Variants in PCDH9 observed in about 807,000 individuals in gnomAD.
PCDH9 encodes protocadherin-9.
PCDH9 carries 24 observed loss-of-function variants against 70.6 expected under a neutral mutation model. That is an observed-to-expected ratio of 0.34 (90% confidence interval 0.25 to 0.48). The LOEUF (loss-of-function observed/expected upper bound fraction) is 0.48, where lower values mean the gene tolerates loss of function less well. PCDH9 is among the 20% of genes least tolerant of loss of function. The pLI is 0.99. For missense variants in PCDH9, 1,281 were observed against 1,503.6 expected (o/e 0.85, Z 2.45); for synonymous variants, 562 against 558.5 (o/e 1.01, Z -0.09).
rs573866402 is a variant in PCDH9, at chr13:66,630,968, T to C, written c.3340+242A>G. Among the ~76,000 whole-genome samples the C allele has an allele frequency of 2.0e-5, 3 of 152,342 alleles. No individual in the cohort carries two copies. In the South Asian group the frequency reaches 6.2e-4, roughly 32 times the overall value. On this transcript the variant is annotated intron_variant, in intron 4 of 4. Transcript: ENST00000377865. ...TGCAACAAATGGCTTCTTTCAGTTA[T>C]ATTTATAGCATGTTTTTTTCTTTTT... is the stretch of plus-strand genomic sequence containing the variant.
intron 2 of PCDH9, 129 bp downstream of exon 2, chr13:67,225,276 C>A: frequency 6.2e-6 from 8 of 1,285,036 alleles, no homozygotes; most frequent in Non-Finnish European, 8.6e-6. Context: ...GAAAAGGGGT[C>A]AAGTTTTTTT....
intron 3 of PCDH9, among the ~76,000 whole-genome samples, chr13:66,774,027 C>T (rs9540907): frequency 0.084 from 12,800 of 152,154 alleles, 561 homozygotes; most frequent in East Asian, 0.14. Context: ...ATCCACCTGC[C>T]TCAGCCTCCC....
intron 2 of PCDH9, among the ~76,000 whole-genome samples, chr13:67,021,566 T>C (rs555251804): frequency 6.6e-6 from 1 of 151,774 alleles, no homozygotes; most frequent in South Asian, 2.1e-4. Flanking sequence ...GATGGTGTAA[T>C]TTTTTTTTCT....
chr13:67,048,310 G>A (rs796452480), intron 2 of PCDH9, among the ~76,000 whole-genome samples: 5 of 152,198 alleles, frequency 3.3e-5, no homozygotes, highest in African/African-American at 1.2e-4. Flanking sequence ...TCTCCCAAGT[G>A]GTTTGCAAAC....
At chr13:66,680,954 A>T (rs975858476) in intron 3 of PCDH9, among the ~76,000 whole-genome samples, 1 of 152,094 alleles carries the variant, frequency 6.6e-6, no homozygotes, top group African/African-American at 2.4e-5. Context: ...AGCTGTTGCA[A>T]ATAAATTGAA....
At chr13:67,081,766 C>A (rs1436407126) in intron 2 of PCDH9, among the ~76,000 whole-genome samples, 1 of 152,048 alleles carries the variant, frequency 6.6e-6, no homozygotes, top group Non-Finnish European at 1.5e-5. Flanking sequence ...TTAGTATTAC[C>A]ATTATTATTA....
At chr13:67,218,663 T>G (rs554623855) in intron 2 of PCDH9, 2 of 152,180 alleles carry the variant, frequency 1.3e-5, no homozygotes, top group Admixed American at 1.3e-4. Flanking sequence ...ATTTCCATTC[T>G]TTCCTACAGC....
intron 2 of PCDH9, among the ~76,000 whole-genome samples, chr13:67,084,966 CAAAAAAAAAAAAAAAA>C (rs1158690945): frequency 1.4e-4 from 6 of 41,456 alleles, no homozygotes; most frequent in Non-Finnish European, 1.1e-4. Flanking sequence ...GATGCTGTCT[CAAAAAAAAAAAAAAAA>C]AAAAAAAAAA....
At chr13:67,081,364 C>G (rs1490150273) in intron 2 of PCDH9, among the ~76,000 whole-genome samples, 1 of 152,074 alleles carries the variant, frequency 6.6e-6, no homozygotes, top group Non-Finnish European at 1.5e-5. Flanking sequence ...AGGTCAAGAG[C>G]TCGAGACCAG....
chr13:66,673,299 A>G (rs757766390), intron 3 of PCDH9, among the ~76,000 whole-genome samples: 19 of 152,166 alleles, frequency 1.2e-4, no homozygotes, highest in African/African-American at 3.6e-4. Flanking sequence ...GCTTGCTGCC[A>G]TATAAGACAC....
chr13:67,165,274 T>C (rs1594600167), intron 2 of PCDH9, among the ~76,000 whole-genome samples: 2 of 152,282 alleles, frequency 1.3e-5, no homozygotes, highest in Middle Eastern at 6.8e-3. Flanking sequence ...ACATGATTAC[T>C]TGTACAAAAT....
intron 4 of PCDH9, among the ~76,000 whole-genome samples, chr13:66,492,302 C>T (rs955074695): frequency 3.8e-4 from 58 of 151,782 alleles, no homozygotes; most frequent in African/African-American, 1.4e-3. Context: ...CCTTGTCTTA[C>T]ATAGACAGAA....
chr13:66,938,787 A>G (rs2082958826), intron 2 of PCDH9, among the ~76,000 whole-genome samples: 1 of 152,194 alleles, frequency 6.6e-6, no homozygotes, highest in Non-Finnish European at 1.5e-5. Flanking sequence ...TTTGCTTTTG[A>G]GTAATATGTG....
chr13:66,518,222 C>A (rs1593610321), intron 4 of PCDH9, among the ~76,000 whole-genome samples: 1 of 151,942 alleles, frequency 6.6e-6, no homozygotes, highest in East Asian at 1.9e-4. Context: ...CACCCAGATC[C>A]CATGTGAACT....
chr13:67,186,963 ATTAACT>A (rs2088775572), intron 2 of PCDH9, among the ~76,000 whole-genome samples: 1 of 152,228 alleles, frequency 6.6e-6, no homozygotes, highest in Non-Finnish European at 1.5e-5. Context: ...GGGAGACATC[ATTAACT>A]TTAACAGCAA....
At chr13:66,783,091 C>A (rs2080025342) in intron 3 of PCDH9, among the ~76,000 whole-genome samples, 1 of 152,158 alleles carries the variant, frequency 6.6e-6, no homozygotes, top group South Asian at 2.1e-4. Flanking sequence ...TTCTACTTCT[C>A]TGCATGCTAC....
chr13:67,084,451 A>G (rs1258018393), intron 2 of PCDH9, among the ~76,000 whole-genome samples: 1 of 152,128 alleles, frequency 6.6e-6, no homozygotes, highest in Non-Finnish European at 1.5e-5. Context: ...ATGAACTGTA[A>G]GTCCCCGCTT....
At chr13:66,562,873 C>G (rs868635113) in intron 4 of PCDH9, among the ~76,000 whole-genome samples, 1 of 152,120 alleles carries the variant, frequency 6.6e-6, no homozygotes, top group Non-Finnish European at 1.5e-5. Flanking sequence ...TATGCTTATA[C>G]TCCTCATTCA....
chr13:67,014,760 T>C (rs1008009363), intron 2 of PCDH9, among the ~76,000 whole-genome samples: 3 of 151,972 alleles, frequency 2.0e-5, no homozygotes, highest in African/African-American at 4.8e-5. Flanking sequence ...GATCTTATTC[T>C]CCCCTCCGAA....
Sources: gnomAD v4.1 joint callset for allele counts (sites outside exome capture counted in the v4.1 genomes callset) on GRCh38, gnomAD v4.1.1 for gene constraint, MANE v1.5 for transcripts, NCBI Gene and HGNC (gene_info 2026-07-23, HGNC 2026-07-21) for gene names.